The following ZFHX3 variants were observed in gnomAD, a reference collection of about 807,000 sequenced individuals.
ZFHX3 encodes the protein zinc finger homeobox 3, also known as zinc finger homeobox protein 3.
ZFHX3 carries 42 observed loss-of-function variants against 279.1 expected under a neutral mutation model. The ratio of observed to expected loss-of-function variants is 0.15; its 90% confidence interval spans 0.12 to 0.19. The LOEUF (loss-of-function observed/expected upper bound fraction) is 0.19. ZFHX3 is among the 10% of genes least tolerant of loss of function. The probability of loss-of-function intolerance (pLI) is 1.00; values close to 1 mark genes in which losing one functional copy is unlikely to be tolerated. For synonymous variants in ZFHX3, 2,293 were observed against 1,957.8 expected (o/e 1.17, Z -4.52); for missense variants, 4,981 against 4,754.0 (o/e 1.05, Z -1.40).
chr16:73,506,638 C>T (rs779131751), intron 2 of ZFHX3, among the ~76,000 whole-genome samples: 2 of 152,152 alleles, frequency 1.3e-5, no homozygotes, highest in Admixed American at 1.3e-4. Context: ...CTTAGTTAAG[C>T]CTTCACCACA....
At chr16:73,198,881 T>C (rs1178044229) in intron 5 of ZFHX3, among the ~76,000 whole-genome samples, 2 of 152,216 alleles carry the variant, frequency 1.3e-5, no homozygotes, top group African/African-American at 4.8e-5. Flanking sequence ...CTCTCCTTTT[T>C]ATAAAAAATC....
intron 2 of ZFHX3, among the ~76,000 whole-genome samples, chr16:73,525,351 A>T (rs2019673492): frequency 6.6e-6 from 1 of 152,212 alleles, no homozygotes; most frequent in Admixed American, 6.5e-5. Flanking sequence ...AGATATGGAA[A>T]GGGACGCGAT....
At chr16:73,675,770 T>C (rs186046436) in intron 2 of ZFHX3, among the ~76,000 whole-genome samples, 8 of 151,710 alleles carry the variant, frequency 5.3e-5, no homozygotes, top group Admixed American at 5.3e-4. Context: ...TACACAAAAA[T>C]AAAGTCTCAC....
intron 2 of ZFHX3, chr16:73,486,689 C>A (rs1038921823): frequency 1.4e-5 from 6 of 425,516 alleles, no homozygotes; most frequent in Admixed American, 5.3e-5. Flanking sequence ...TTTATTCTAG[C>A]CCAGGACTTT....
At position 73,249,079 on chromosome 16, in the gene ZFHX3, C is replaced by A. The variant is rs377253838; in HGVS notation, c.-1104+7968G>T. On this transcript the variant is annotated intron_variant, in intron 5 of 17. Coordinates refer to the ZFHX3 transcript ENST00000641206. ...CACACTGACCTCAATAATACGCCTCCTTTCCTTGAATAATCTATTTCAGTT... is the reference window on the plus strand; with the variant it reads ...CACACTGACCTCAATAATACGCCTCATTTCCTTGAATAATCTATTTCAGTT... 7.4e-4 allele frequency among the ~76,000 whole-genome samples: 113 copies of A among 152,274 alleles called. 1 individual carries two copies. In the Middle Eastern group the frequency reaches 0.017, roughly 23 times the overall value.
intron 1 of ZFHX3, among the ~76,000 whole-genome samples, chr16:73,750,764 G>C (rs1172543372): frequency 1.3e-5 from 2 of 152,152 alleles, no homozygotes; most frequent in Non-Finnish European, 2.9e-5. Flanking sequence ...CTCTGTGTCA[G>C]CAATGAGACC....
In ZFHX3 at chr16:73,416,660, T is replaced by TC. The variant is rs1219378251; in HGVS notation, c.-1291+39342dup. The stretch of plus-strand genomic sequence containing the variant: ...AGGCCGAGGCGGGTGGACCACGAGG[T>TC]CAGGAGATCGAGACCATCCTGGCTA... On this transcript the variant is annotated intron_variant, in intron 3 of 17. Coordinates refer to the ZFHX3 transcript ENST00000641206. 2.6e-5 allele frequency among the ~76,000 whole-genome samples: 4 copies of TC among 152,048 alleles called. No homozygotes were observed. In the East Asian group the frequency reaches 7.7e-4, roughly 29 times the overall value.
chr16:73,740,458 T>G (rs747490322), intron 1 of ZFHX3, among the ~76,000 whole-genome samples: 49 of 152,104 alleles, frequency 3.2e-4, no homozygotes, highest in Non-Finnish European at 5.0e-4. Context: ...CAGGTGAGTT[T>G]TCCTCTAGCC....
intron 1 of ZFHX3, chr16:73,812,665 T>C (rs935071021): frequency 6.6e-6 from 1 of 152,216 alleles, no homozygotes; most frequent in African/African-American, 2.4e-5. Context: ...TTTTCTATTA[T>C]AGACTATACC....
chr16:73,698,420 C>T (rs1352682824), intron 1 of ZFHX3, among the ~76,000 whole-genome samples: 1 of 152,024 alleles, frequency 6.6e-6, no homozygotes, highest in East Asian at 1.9e-4. Flanking sequence ...GGTGGGTGAA[C>T]ATTTGAGTCT....
chr16:73,433,702 T>C (rs1374142000), intron 3 of ZFHX3, among the ~76,000 whole-genome samples: 1 of 152,080 alleles, frequency 6.6e-6, no homozygotes, highest in Non-Finnish European at 1.5e-5. Flanking sequence ...CTCTCTGGGG[T>C]TACGAGGCAG....
At chr16:73,581,307 T>C (rs970411181) in intron 2 of ZFHX3, among the ~76,000 whole-genome samples, 10 of 151,854 alleles carry the variant, frequency 6.6e-5, no homozygotes, top group Admixed American at 5.2e-4. Flanking sequence ...ATATGAAATA[T>C]ATTAATTCCT....
chr16:73,299,815 T>C (rs1179321578), intron 4 of ZFHX3, among the ~76,000 whole-genome samples: 1 of 152,182 alleles, frequency 6.6e-6, no homozygotes, highest in African/African-American at 2.4e-5. Context: ...TGCTATATGC[T>C]TCTAAGTCAA....
chr16:73,872,396 A>C (rs1244326733), intron 1 of ZFHX3, among the ~76,000 whole-genome samples: 1 of 147,988 alleles, frequency 6.8e-6, no homozygotes, highest in Non-Finnish European at 1.5e-5. Flanking sequence ...CAGTTAACTT[A>C]TTATTATTAT....
chr16:72,923,959 A>C (rs1452210494), intron 3 of ZFHX3, among the ~76,000 whole-genome samples: 1 of 152,234 alleles, frequency 6.6e-6, no homozygotes, highest in Non-Finnish European at 1.5e-5. Flanking sequence ...ACATGTCAAA[A>C]TAATAATTAT....
At chr16:72,889,027 A>G (rs568513275) in intron 4 of ZFHX3, among the ~76,000 whole-genome samples, 1 of 148,716 alleles carries the variant, frequency 6.7e-6, no homozygotes, top group African/African-American at 2.4e-5. Flanking sequence ...ATTCTACCCA[A>G]TGAAGTCCCT....
intron 1 of ZFHX3, among the ~76,000 whole-genome samples, chr16:73,720,368 G>A (rs971721711): frequency 8.5e-5 from 13 of 152,152 alleles, no homozygotes; most frequent in Non-Finnish European, 1.9e-4. Context: ...TATGTATGAA[G>A]AATTTTATCT....
chr16:73,315,817 A>G (rs964310069), intron 4 of ZFHX3, among the ~76,000 whole-genome samples: 1 of 152,158 alleles, frequency 6.6e-6, no homozygotes, highest in African/African-American at 2.4e-5. Flanking sequence ...GTCATTGCCC[A>G]CTCACTTCCC....
intron 5 of ZFHX3, among the ~76,000 whole-genome samples, chr16:73,190,476 A>G (rs531215317): frequency 6.6e-6 from 1 of 152,366 alleles, no homozygotes; most frequent in South Asian, 2.1e-4. Flanking sequence ...TTTTCCAGCC[A>G]TAAAACAGGG....
Sources: allele counts gnomAD v4.1 joint callset (sites outside exome capture counted in the v4.1 genomes callset), GRCh38; gene constraint gnomAD v4.1.1; transcripts MANE v1.5; gene names NCBI Gene and HGNC (gene_info 2026-07-23, HGNC 2026-07-21).